The following PACRGL variants were observed in gnomAD, a reference collection of about 807,000 sequenced individuals.
The protein encoded by PACRGL is PACRG-like protein.
PACRGL carries 38 observed loss-of-function variants against 34.5 expected under a neutral mutation model. That is an observed-to-expected ratio of 1.10 (90% CI 0.85 to 1.44). PACRGL has a LOEUF of 1.44. Ranked by LOEUF, PACRGL falls within the 40% of genes most tolerant of loss-of-function variation. The pLI is 0.00. For synonymous variants in PACRGL, 128 were observed against 100.1 expected (o/e 1.28, Z -1.66); for missense variants, 305 against 281.4 (o/e 1.08, Z -0.60).
At chr4:20,723,086 C>T (rs997548987) in intron 7 of PACRGL, among the ~76,000 whole-genome samples, 7 of 152,098 alleles carry the variant, frequency 4.6e-5, no homozygotes, top group African/African-American at 1.7e-4. Context: ...TAGGTATGCT[C>T]ATAGGTGGTA....
At chr4:20,759,415 A>G in the PACRGL span, among the ~76,000 whole-genome samples, 1 of 152,208 alleles carries the variant, frequency 6.6e-6, no homozygotes, top group East Asian at 1.9e-4. Context: ...TTTTGTAACA[A>G]GTGACCTTGG....
chr4:20,750,863 CTATTTTA>C (rs1753484535), intron 8 of PACRGL, among the ~76,000 whole-genome samples: 1 of 152,100 alleles, frequency 6.6e-6, no homozygotes, highest in African/African-American at 2.4e-5. Context: ...TCATCTATTT[CTATTTTA>C]TAACTTTTAA....
chr4:20,723,420 G>GT (rs1018010892), intron 7 of PACRGL, among the ~76,000 whole-genome samples: 20 of 151,118 alleles, frequency 1.3e-4, no homozygotes, highest in East Asian at 9.8e-4. Flanking sequence ...TTGGTTTTGG[G>GT]TTTTTTTTGT....
chr4:20,746,794 A>G lies in PACRGL; in HGVS notation c.*57-5771A>G, dbSNP rs567112267. Among the ~76,000 whole-genome samples the G allele has an allele frequency of 2.0e-5, 3 of 152,246 alleles. No homozygotes were observed. The South Asian group carries it at 6.2e-4, about 32-fold the overall frequency. On this transcript the variant is annotated intron_variant, in intron 8 of 8. Coordinates refer to the PACRGL transcript ENST00000507634. ...TACCAAATCCAGGGCCCCTCCTATC[A>G]TATTTCTTCTGCCTTTCAGGTTTAA...
rs528698292 is a variant in PACRGL at position 20,731,213 on chromosome 4, C to T, written c.*3872C>T. The T allele has an allele frequency of 5.2e-5, 9 of 171,806 alleles. No homozygotes were observed. The South Asian group carries it at 1.7e-3, about 33-fold the overall frequency. The allele number at this position is 171,806 out of a possible 1,614,324, so 10.6% of individuals were successfully genotyped here. A position where few individuals can be genotyped will look rare whatever the true frequency, so the allele number is the denominator to read the frequency against. On this transcript the variant is annotated 3_prime_UTR_variant, in exon 9 of 9. Coordinates refer to ENST00000503585, the MANE Select transcript of PACRGL (RefSeq NM_001258345.3). The stretch of plus-strand genomic sequence containing the variant: ...GCCTCCCAAGTAGCTGAGACTTCAG[C>T]CACGTGCCACCGTGCCCAGCTAACT...
chr4:20,766,369 C>CAGCT, the PACRGL span, among the ~76,000 whole-genome samples: 2 of 152,074 alleles, frequency 1.3e-5, no homozygotes, highest in African/African-American at 4.8e-5. Flanking sequence ...AGTTCGAGAC[C>CAGCT]AGCTTGGACA....
In PACRGL at chr4:20,749,868, T is replaced by C. The variant is rs892701403; in HGVS notation, c.*57-2697T>C. ...TAGTTTGTGCTTTCTTCACAACTGC[T>C]TACCCTCTTTCTGTAGAGGACTAGA... On this transcript the variant is annotated intron_variant, in intron 8 of 8. Coordinates refer to the PACRGL transcript ENST00000507634. 1.6e-5 allele frequency: 9 copies of C among 551,240 alleles called. No individual in the cohort carries two copies. The Admixed American group carries it at 2.7e-4, about 17-fold the overall frequency. 34.1% of individuals were successfully genotyped at this position (551,240 alleles called of 1,614,324 possible).
At chr4:20,755,893 T>TTGGGTGGGAGA (rs1314126009), downstream of PACRGL, among the ~76,000 whole-genome samples, 4 of 151,676 alleles carry the variant, frequency 2.6e-5, no homozygotes, top group Non-Finnish European at 2.9e-5. Flanking sequence ...GTGGGGTAAG[T>TTGGGTGGGAGA]TGGGTGGGAG....
chr4:20,755,376 T>TAC (rs1284433798), downstream of PACRGL, among the ~76,000 whole-genome samples: 3 of 152,258 alleles, frequency 2.0e-5, no homozygotes, highest in Non-Finnish European at 4.4e-5. Flanking sequence ...TTAAGTGCTG[T>TAC]ACACTTTTCA....
the PACRGL span, among the ~76,000 whole-genome samples, chr4:20,765,795 T>G: frequency 2.0e-4 from 31 of 152,322 alleles, no homozygotes; most frequent in East Asian, 4.8e-3. Flanking sequence ...GCAATATAAC[T>G]GCCATAGATT....
chr4:20,765,449 T>G, the PACRGL span, among the ~76,000 whole-genome samples: 2 of 152,248 alleles, frequency 1.3e-5, no homozygotes, highest in Admixed American at 6.5e-5. Flanking sequence ...CGATTAAAAT[T>G]TATTGTGCAT....
downstream of PACRGL, chr4:20,734,628 C>T (rs754680098): frequency 1.4e-6 from 2 of 1,416,334 alleles, no homozygotes; most frequent in South Asian, 1.3e-5. Flanking sequence ...CATCCCTTAC[C>T]TCTTTAGTGA....
chr4:20,721,707 C>T (rs1056996785), intron 7 of PACRGL, among the ~76,000 whole-genome samples: 3 of 152,204 alleles, frequency 2.0e-5, no homozygotes, highest in African/African-American at 4.8e-5. Context: ...GAGGGGTACT[C>T]GGCCGTGTGA....
intron 7 of PACRGL, among the ~76,000 whole-genome samples, chr4:20,719,143 G>T (rs1196724568): frequency 6.6e-6 from 1 of 152,124 alleles, no homozygotes; most frequent in Non-Finnish European, 1.5e-5. Flanking sequence ...ATTCTCTGAT[G>T]GTAGTTTGTA....
At chr4:20,717,653 G>A (rs1740787886) in intron 7 of PACRGL, among the ~76,000 whole-genome samples, 1 of 152,120 alleles carries the variant, frequency 6.6e-6, no homozygotes, top group African/African-American at 2.4e-5. Flanking sequence ...TAGATGTGTG[G>A]TATTATTTCT....
the PACRGL span, among the ~76,000 whole-genome samples, chr4:20,760,948 G>T: frequency 6.6e-6 from 1 of 152,198 alleles, no homozygotes; most frequent in South Asian, 2.1e-4. Context: ...GGATAGTTCT[G>T]TAAGGGTGTT....
At position 20,730,142 on chromosome 4, in the gene PACRGL, A is replaced by G. The variant is rs1747623140; in HGVS notation, c.*2801A>G. On this transcript the variant is annotated 3_prime_UTR_variant, in exon 9 of 9. Coordinates refer to ENST00000503585, the MANE Select transcript of PACRGL (RefSeq NM_001258345.3). Reference sequence around the variant, plus strand: ...TTATGTTTTCATCCTGTAAGGGAGAAACACAGAGCGATTAAATTCAGCATA... The same window carrying G: ...TTATGTTTTCATCCTGTAAGGGAGAGACACAGAGCGATTAAATTCAGCATA... 1 of 1,598,614 alleles carries G rather than the reference A, an allele frequency of 6.3e-7. No homozygotes were observed. Among genetic ancestry groups the G allele is most frequent in the Admixed American group, 1.8e-5 (1 of 56,638 alleles).
chr4:20,746,371 G>A (rs1012147454), intron 8 of PACRGL, among the ~76,000 whole-genome samples: 18 of 151,996 alleles, frequency 1.2e-4, no homozygotes, highest in East Asian at 9.7e-4. Context: ...AGGGCATGTC[G>A]GAGGGTGGGG....
chr4:20,753,397 G>T (rs546614503), downstream of PACRGL, among the ~76,000 whole-genome samples: 1 of 152,224 alleles, frequency 6.6e-6, no homozygotes, highest in Admixed American at 6.5e-5. Flanking sequence ...TACATACCTT[G>T]GTGGTGGCAG....
Sources: gnomAD v4.1 joint callset for allele counts (sites outside exome capture counted in the v4.1 genomes callset) on GRCh38, gnomAD v4.1.1 for gene constraint, MANE v1.5 for transcripts, NCBI Gene and HGNC (gene_info 2026-07-23, HGNC 2026-07-21) for gene names.